SLC45A4: variants seen among roughly 807,000 people sequenced by gnomAD.
SLC45A4 encodes solute carrier family 45 member 4.
A neutral mutation model predicts 63.7 loss-of-function variants in SLC45A4; 32 were observed. The observed-to-expected ratio is 0.50, with a 90% CI of 0.38 to 0.67. The LOEUF is 0.67. SLC45A4 is among the 30% of genes least tolerant of loss of function. The pLI is 0.00. For missense variants in SLC45A4, 1,027 were observed against 1,157.7 expected (o/e 0.89, Z 1.64); for synonymous variants, 535 against 510.0 (o/e 1.05, Z -0.66).
chr8:141,297,635 T>C (rs1036549590), intron 1 of SLC45A4, among the ~76,000 whole-genome samples: 3 of 152,200 alleles, frequency 2.0e-5, no homozygotes, highest in African/African-American at 7.2e-5. Context: ...TGGCACGAAC[T>C]GTCAGGAACC....
rs1825615059 is a variant in SLC45A4 at position 141,208,066 on chromosome 8, C to T, written c.*3506G>A. 2 of 152,278 alleles carry T rather than the reference C, an allele frequency of 1.3e-5. No homozygotes were observed. The highest frequency in any genetic ancestry group is 4.8e-5 in the African/African-American group (2 of 41,460). 9.4% of individuals were successfully genotyped at this position (152,278 alleles called of 1,614,324 possible). On this transcript the variant is annotated 3_prime_UTR_variant, in exon 9 of 9. Coordinates refer to ENST00000517878, the MANE Select transcript of SLC45A4 (RefSeq NM_001286646.2). ...ACAAACGAGGCTGACTCCGCAGCAG[C>T]AGTCCCTCACACGCTGTGTGGTGGC...
chr8:141,214,205 A>G (rs1826003171), intron 7 of SLC45A4, among the ~76,000 whole-genome samples: 1 of 152,164 alleles, frequency 6.6e-6, no homozygotes, highest in Non-Finnish European at 1.5e-5. Context: ...AAAAAAAAAA[A>G]AAAAGCATCA....
At chr8:141,307,105 G>GC (rs1166931341) in intron 1 of SLC45A4, among the ~76,000 whole-genome samples, 1 of 152,086 alleles carries the variant, frequency 6.6e-6, no homozygotes, top group African/African-American at 2.4e-5. Flanking sequence ...GCCCTCCCTA[G>GC]CCCCCGCCTT....
At position 141,219,048 on chromosome 8, in the gene SLC45A4, C is replaced by G. The variant is rs754925943; in HGVS notation, c.611-19G>C. The G allele has an allele frequency of 1.3e-6, 2 of 1,594,714 alleles. No individual in the cohort carries two copies. The highest frequency in any genetic ancestry group is 1.7e-6 in the Non-Finnish European group (2 of 1,167,944). ...CCGAGGCCTGCGTGGGAGGAAGCAG[C>G]AGCCGGTGAGCCGGTGGCACCAGGC... On this transcript the variant is annotated intron_variant, in intron 4 of 8. Transcript: ENST00000517878.
intron 1 of SLC45A4, among the ~76,000 whole-genome samples, chr8:141,294,102 A>G (rs564573864): frequency 1.9e-4 from 29 of 152,268 alleles, no homozygotes; most frequent in African/African-American, 6.7e-4. Context: ...GCAGACCAGG[A>G]GGACCTGAGT....
intron 2 of SLC45A4, among the ~76,000 whole-genome samples, chr8:141,239,146 G>A (rs1307404738): frequency 3.9e-5 from 6 of 152,172 alleles, no homozygotes; most frequent in Non-Finnish European, 8.8e-5. Context: ...AGCCCTACCA[G>A]GTTACCCACG....
At chr8:141,264,533 T>G (rs1865246) in intron 1 of SLC45A4, among the ~76,000 whole-genome samples, 56,990 of 151,970 alleles carry the variant, frequency 0.38, 11,158 homozygotes, top group East Asian at 0.48. Context: ...GCCAAGAACT[T>G]TATGAGCACG....
In SLC45A4 at chr8:141,253,979, G is replaced by A. The variant is rs1426471014; in HGVS notation, c.241+10C>T. ...AGCGTTCACTGCGCACAGACGGGGA[G>A]GAGACTTACCAATCTGCAACAGTAT... On this transcript the variant is annotated intron_variant, in intron 2 of 8. Transcript: ENST00000517878. 1.6e-5 allele frequency: 25 copies of A among 1,535,812 alleles called. No homozygotes were observed. The Admixed American group carries it at 4.1e-4, about 25-fold the overall frequency.
At chr8:141,265,703 C>T (rs1337595228) in intron 1 of SLC45A4, among the ~76,000 whole-genome samples, 1 of 152,222 alleles carries the variant, frequency 6.6e-6, no homozygotes, top group South Asian at 2.1e-4. Context: ...GAGCTGCTGT[C>T]GCCTCAGCTG....
In SLC45A4 at chr8:141,297,676, A is replaced by G. The variant is rs575822122; in HGVS notation, c.-401+10420T>C. On this transcript the variant is annotated intron_variant, in intron 1 of 8. Transcript: ENST00000517878. ...GGGACTGACAGCCCGGCCAGTGGCCATGCCACACACAGCCTGCACCTGTGG... is the reference window on the plus strand; with the variant it reads ...GGGACTGACAGCCCGGCCAGTGGCCGTGCCACACACAGCCTGCACCTGTGG... Among the ~76,000 whole-genome samples, 12 of 152,372 alleles carry G rather than the reference A, an allele frequency of 7.9e-5. No individual in the cohort carries two copies. In the East Asian group the frequency reaches 2.1e-3, roughly 27 times the overall value.
intron 2 of SLC45A4, among the ~76,000 whole-genome samples, chr8:141,243,051 G>A (rs1254197616): frequency 6.6e-6 from 1 of 152,224 alleles, no homozygotes; most frequent in Non-Finnish European, 1.5e-5. Flanking sequence ...ACCTGCTAGA[G>A]TTGGGAGTAT....
intron 6 of SLC45A4, among the ~76,000 whole-genome samples, chr8:141,216,529 G>A (rs1230864647): frequency 2.0e-5 from 3 of 152,226 alleles, no homozygotes; most frequent in Non-Finnish European, 4.4e-5. Context: ...CTGACCAAGA[G>A]GCATTTACTT....
intron 2 of SLC45A4, among the ~76,000 whole-genome samples, chr8:141,223,544 G>A (rs1169738640): frequency 1.3e-5 from 2 of 152,148 alleles, no homozygotes; most frequent in Non-Finnish European, 2.9e-5. Flanking sequence ...GCAGCCCCTC[G>A]CAGAGCTGCG....
intron 1 of SLC45A4, among the ~76,000 whole-genome samples, chr8:141,276,326 C>T (rs1563667359): frequency 1.3e-5 from 2 of 152,224 alleles, no homozygotes; most frequent in Non-Finnish European, 2.9e-5. Context: ...TTTAAGATGA[C>T]TTACTGAATC....
At chr8:141,228,553 T>C (rs1450180057) in intron 2 of SLC45A4, 2 of 1,263,920 alleles carry the variant, frequency 1.6e-6, no homozygotes, top group Admixed American at 3.5e-5. Context: ...AGCTGGAGCA[T>C]GGGCTCCTCT....
rs1827240498 is a variant in SLC45A4, at chr8:141,229,705, T to C, written c.242-7940A>G. On this transcript the variant is annotated intron_variant, in intron 2 of 8. Transcript: ENST00000517878. The surrounding 1 kb of genome is among the most constrained non-coding windows in gnomAD (Gnocchi z 5.0). ...CCCTGACAACAGACCCACTGGGTGA[T>C]GAGCCTGACTTCCCTACCTGCACCT... Among the ~76,000 whole-genome samples, 1 of 152,130 alleles carries C rather than the reference T, an allele frequency of 6.6e-6. No individual in the cohort carries two copies. The highest frequency in any genetic ancestry group is 2.4e-5 in the African/African-American group (1 of 41,430).
At chr8:141,263,191 C>A (rs1435965326) in intron 1 of SLC45A4, among the ~76,000 whole-genome samples, 24 of 130,192 alleles carry the variant, frequency 1.8e-4, no homozygotes, top group Middle Eastern at 4.6e-3. Context: ...AGGAAGGGGA[C>A]CGTCACACGC....
intron 2 of SLC45A4, among the ~76,000 whole-genome samples, chr8:141,247,943 C>A (rs751847803): frequency 6.6e-6 from 1 of 152,192 alleles, no homozygotes; most frequent in Non-Finnish European, 1.5e-5. Context: ...TCAATTTCCA[C>A]GTGCCAGATG....
In SLC45A4 at chr8:141,211,662, T is replaced by G. The variant is rs1274216891; in HGVS notation, c.2337A>C (p.Ser779=). Residue 779 remains serine, a synonymous_variant, in exon 9 of 9, where the codon TCA becomes TCC. Transcript: ENST00000517878. ...CCAACAGCTGCGGCACCAGCCAATG[T>G]GACGAGATCTGACAGACGTCAATAC... ...PAGIDVCQIS[S]HWLVPQLLES... The G allele has an allele frequency of 1.9e-6, 3 of 1,603,820 alleles. No homozygotes were observed. In the South Asian group the frequency reaches 3.4e-5, roughly 18 times the overall value.
Sources: allele counts gnomAD v4.1 joint callset (sites outside exome capture counted in the v4.1 genomes callset), GRCh38; gene constraint gnomAD v4.1.1; non-coding constraint Gnocchi (gnomAD v3.1); transcripts MANE v1.5; gene names NCBI Gene and HGNC (gene_info 2026-07-23, HGNC 2026-07-21).